The following LRRIQ3 variants were observed in gnomAD, a reference collection of about 807,000 sequenced individuals.
The protein encoded by LRRIQ3 is leucine rich repeats and IQ motif containing 3.
Under a neutral mutation model 59.3 loss-of-function variants are expected in LRRIQ3, and 75 were observed. That is an observed-to-expected ratio of 1.26 (90% CI 1.05 to 1.53). LRRIQ3 has a LOEUF of 1.53. LRRIQ3 is among the 40% of genes most tolerant of loss of function. LRRIQ3 has a pLI of 0.00. For missense variants in LRRIQ3, 831 were observed against 710.0 expected (o/e 1.17, Z -1.94); for synonymous variants, 250 against 231.3 (o/e 1.08, Z -0.73).
intron 1 of LRRIQ3, among the ~76,000 whole-genome samples, chr1:74,189,804 G>A (rs1349174470): frequency 6.6e-6 from 1 of 152,008 alleles, no homozygotes; most frequent in Non-Finnish European, 1.5e-5. Context: ...CGATTCTGAG[G>A]CCTCCCCAGC....
At chr1:74,035,812 A>G (rs911340900) in intron 7 of LRRIQ3, among the ~76,000 whole-genome samples, 1 of 152,076 alleles carries the variant, frequency 6.6e-6, no homozygotes, top group African/African-American at 2.4e-5. Flanking sequence ...GTACAGGAAT[A>G]TTCACGATCT....
At chr1:74,141,838 A>G (rs1647268245) in intron 4 of LRRIQ3, among the ~76,000 whole-genome samples, 1 of 151,924 alleles carries the variant, frequency 6.6e-6, no homozygotes, top group South Asian at 2.1e-4. Context: ...TTCCACTATT[A>G]AAAGATAACT....
chr1:74,181,044 A>T (rs1331471134), intron 3 of LRRIQ3: 1 of 444,156 alleles, frequency 2.3e-6, no homozygotes, highest in African/African-American at 2.0e-5. Context: ...ATTATTTACC[A>T]CTGAATCTCC....
At chr1:74,138,579 G>A in intron 4 of LRRIQ3, 1 of 747,420 alleles carries the variant, frequency 1.3e-6, no homozygotes, top group Non-Finnish European at 1.6e-6. Context: ...AATGGCCTTT[G>A]TTTAAACAAA....
intron 1 of LRRIQ3, 56 bp from the exon 2 acceptor site, chr1:74,183,740 G>A: frequency 7.2e-7 from 1 of 1,382,966 alleles, no homozygotes; most frequent in South Asian, 1.9e-5. Flanking sequence ...AAATTTACCT[G>A]AAAACAAACA....
intron 3 of LRRIQ3, among the ~76,000 whole-genome samples, chr1:74,170,205 G>A (rs745660901): frequency 4.6e-5 from 7 of 152,058 alleles, no homozygotes; most frequent in Non-Finnish European, 1.0e-4. Flanking sequence ...GACTGTTTTT[G>A]CTTTTGTTGA....
At chr1:74,087,618 T>G (rs1646342342) in intron 5 of LRRIQ3, among the ~76,000 whole-genome samples, 1 of 152,008 alleles carries the variant, frequency 6.6e-6, no homozygotes, top group Admixed American at 6.6e-5. Flanking sequence ...TAGCTAATCT[T>G]TAGTACTTAT....
intron 5 of LRRIQ3, chr1:74,082,428 C>T (rs1646283717): frequency 6.6e-6 from 1 of 151,242 alleles, no homozygotes; most frequent in Non-Finnish European, 1.5e-5. Context: ...CTGAAAAGTT[C>T]ATAGGGTCAT....
At chr1:74,055,001 T>C (rs1654482833) in intron 6 of LRRIQ3, among the ~76,000 whole-genome samples, 2 of 147,426 alleles carry the variant, frequency 1.4e-5, no homozygotes, top group South Asian at 2.1e-4. Context: ...TTTAAAAATA[T>C]ATTTTAAATA....
At chr1:74,042,068 T>C (rs1654065342) in intron 6 of LRRIQ3, 135 bp from the exon 7 acceptor site, 1 of 837,838 alleles carries the variant, frequency 1.2e-6, no homozygotes, top group Admixed American at 3.7e-5. Context: ...AAGTACCTTT[T>C]CAACTTGTGA....
At chr1:74,189,672 G>A (rs1930588) in intron 1 of LRRIQ3, among the ~76,000 whole-genome samples, 47,872 of 151,872 alleles carry the variant, frequency 0.32, 8,434 homozygotes, top group Middle Eastern at 0.44. Context: ...TCTCCATACC[G>A]TTCTTGTGGT....
chr1:74,067,438 A>G (rs1654898122), intron 6 of LRRIQ3, among the ~76,000 whole-genome samples: 1 of 152,112 alleles, frequency 6.6e-6, no homozygotes, highest in South Asian at 2.1e-4. Context: ...TGCCTACCTC[A>G]GAGGCTACAA....
intron 5 of LRRIQ3, 114 bp from the exon 6 acceptor site, chr1:74,074,904 A>G (rs1013094378): frequency 1.9e-6 from 1 of 518,626 alleles, no homozygotes; most frequent in African/African-American, 2.0e-5. Context: ...TAAAACATGA[A>G]AACAAAAACC....
intron 5 of LRRIQ3, among the ~76,000 whole-genome samples, chr1:74,080,851 G>T (rs1646266430): frequency 6.6e-6 from 1 of 151,562 alleles, no homozygotes; most frequent in South Asian, 2.1e-4. Context: ...AGCAATCCAT[G>T]TATGGCAAGT....
intron 5 of LRRIQ3, among the ~76,000 whole-genome samples, chr1:74,076,405 C>T (rs1646210293): frequency 6.6e-6 from 1 of 152,094 alleles, no homozygotes; most frequent in Non-Finnish European, 1.5e-5. Flanking sequence ...ATGGACATCT[C>T]ATACTCAAGA....
At chr1:74,163,921 A>G (rs1459527374) in intron 3 of LRRIQ3, among the ~76,000 whole-genome samples, 1 of 149,936 alleles carries the variant, frequency 6.7e-6, no homozygotes, top group Non-Finnish European at 1.5e-5. Context: ...CTTTTTTTTT[A>G]ATTTTAGCCA....
chr1:74,165,781 C>T (rs1046076200), intron 3 of LRRIQ3, among the ~76,000 whole-genome samples: 5 of 151,508 alleles, frequency 3.3e-5, no homozygotes, highest in African/African-American at 9.7e-5. Context: ...AAGTTTTTGT[C>T]ACAAATAGAT....
chr1:74,099,568 C>A (rs534128506), intron 5 of LRRIQ3, among the ~76,000 whole-genome samples: 88 of 152,266 alleles, frequency 5.8e-4, no homozygotes, highest in African/African-American at 2.0e-3. Context: ...AGGCCAGCAT[C>A]ATCCTGATAC....
intron 3 of LRRIQ3, among the ~76,000 whole-genome samples, chr1:74,167,432 A>G (rs1446927966): frequency 1.3e-5 from 2 of 151,810 alleles, no homozygotes; most frequent in African/African-American, 4.8e-5. Context: ...AGAAGGTGAT[A>G]GGTTCATAGG....
Sources: allele counts gnomAD v4.1 joint callset (sites outside exome capture counted in the v4.1 genomes callset), GRCh38; gene constraint gnomAD v4.1.1; transcripts MANE v1.5; gene names NCBI Gene and HGNC (gene_info 2026-07-23, HGNC 2026-07-21).